BTBD8: variants seen among roughly 807,000 people sequenced by gnomAD.
The protein encoded by BTBD8 is BTB/POZ domain-containing protein 8.
In BTBD8, 110 loss-of-function variants were observed where a neutral mutation model predicts 162.9. The ratio of observed to expected loss-of-function variants is 0.68; its 90% CI spans 0.58 to 0.79. The LOEUF is 0.79. Ranked by LOEUF, BTBD8 falls within the 30% of genes least tolerant of loss-of-function variation. The pLI is 0.00. For synonymous variants in BTBD8, 667 were observed against 716.1 expected, an observed-to-expected ratio of 0.93 and a Z score of 1.10; for missense variants, 1,905 against 2,085.4, an observed-to-expected ratio of 0.91 and a Z score of 1.68.
intron 9 of BTBD8, chr1:92,150,497 T>C: frequency 6.6e-6 from 1 of 152,246 alleles, no homozygotes. Context: ...GTTTTTATAC[T>C]GCATCGCTTA....
chr1:92,166,817 A>G (rs982773905), intron 9 of BTBD8, 141 bp from the exon 10 acceptor site: 11 of 790,224 alleles, frequency 1.4e-5, no homozygotes, highest in Admixed American at 5.9e-5. Context: ...TATATGTAAA[A>G]CTAATAACAA....
At chr1:92,090,746 G>A (rs1259339884) in intron 2 of BTBD8, among the ~76,000 whole-genome samples, 3 of 152,088 alleles carry the variant, frequency 2.0e-5, no homozygotes, top group African/African-American at 4.8e-5. Flanking sequence ...CCTGGCCAAC[G>A]TGCTGCAACC....
At chr1:92,131,892 T>C (rs1429547392) in intron 5 of BTBD8, among the ~76,000 whole-genome samples, 2 of 152,184 alleles carry the variant, frequency 1.3e-5, no homozygotes, top group African/African-American at 2.4e-5. Context: ...TAATTTTTAG[T>C]AGAGGTGAGG....
intron 16 of BTBD8, among the ~76,000 whole-genome samples, chr1:92,179,903 G>A (rs1463699226): frequency 6.6e-6 from 1 of 151,808 alleles, no homozygotes; most frequent in Non-Finnish European, 1.5e-5. Flanking sequence ...AACTTCAAAG[G>A]GAAGACCTTT....
chr1:92,148,808 C>T (rs1649984347), intron 9 of BTBD8, among the ~76,000 whole-genome samples: 1 of 152,176 alleles, frequency 6.6e-6, no homozygotes, highest in Admixed American at 6.5e-5. Flanking sequence ...CTTCCTGTAG[C>T]CACTGTAAAC....
intron 4 of BTBD8, among the ~76,000 whole-genome samples, chr1:92,128,829 A>C (rs1014345337): frequency 1.3e-5 from 2 of 152,054 alleles, no homozygotes; most frequent in African/African-American, 4.8e-5. Context: ...GCATTTTTCC[A>C]TCTGCGTGCA....
At chr1:92,085,426 T>C (rs956342094) in intron 1 of BTBD8, among the ~76,000 whole-genome samples, 1 of 152,140 alleles carries the variant, frequency 6.6e-6, no homozygotes, top group Non-Finnish European at 1.5e-5. Context: ...ACCCCATCTC[T>C]ACTAAAAATA....
Position 92,167,921 on chromosome 1 carries a change from A to G in BTBD8, c.1379A>G (p.Glu460Gly), listed in dbSNP as rs1474779901. Reference protein sequence around the residue: ...LKAIEENITTENSCSLLMALD... With the variant: ...LKAIEENITTGNSCSLLMALD... The stretch of plus-strand genomic sequence containing the variant: ...GCAATTGAAGAAAATATCACCACTG[A>G]AAATAGCTGCTCTCTTCTTATGGCT... The change falls in exon 11 of 18, where the codon GAA becomes GGA. Residue 460 changes from glutamate to glycine, a missense_variant. Glu to Gly is a moderately conservative substitution (Grantham distance 98, BLOSUM62 -2). This residue lies in a region of BTBD8 where 1,374 missense variants were observed against 1,442.7 expected (regional missense o/e 0.95). Coordinates refer to ENST00000636805, the MANE Select transcript of BTBD8 (RefSeq NM_001376131.1). 1.9e-6 allele frequency: 3 copies of G among 1,550,904 alleles called. No individual in the cohort carries two copies. The highest frequency in any genetic ancestry group is 3.9e-5 in the Admixed American group (2 of 50,972).
chr1:92,097,194 T>G (rs1648475814), intron 2 of BTBD8, among the ~76,000 whole-genome samples: 1 of 152,070 alleles, frequency 6.6e-6, no homozygotes, highest in South Asian at 2.1e-4. Context: ...TTCTTCTGTC[T>G]TAGATCTCCT....
rs1306182158 is a variant in BTBD8 at position 92,178,414 on chromosome 1, G to T, written c.2544G>T (p.Arg848Ser). 6.4e-7 allele frequency: 1 copy of T among 1,551,318 alleles called. No individual in the cohort carries two copies. The highest frequency in any genetic ancestry group is 8.7e-7 in the Non-Finnish European group (1 of 1,146,802). The part of the protein sequence containing the change: ...TSNGCTAAQQ[R>S]TKSTPSNLTK... The stretch of plus-strand genomic sequence containing the variant: ...ATGGATGTACTGCAGCTCAGCAGAG[G>T]ACAAAGAGTACCCCATCTAATCTTA... The change falls in exon 16 of 18, where the codon AGG becomes AGT. Residue 848 changes from arginine (R) to serine (S), a missense_variant. This residue lies in a region of BTBD8 where 1,374 missense variants were observed against 1,442.7 expected (regional missense o/e 0.95). Transcript: ENST00000636805.
chr1:92,107,641 G>A (rs1648769049), intron 3 of BTBD8, among the ~76,000 whole-genome samples: 1 of 152,028 alleles, frequency 6.6e-6, no homozygotes, highest in Non-Finnish European at 1.5e-5. Context: ...TGTCATTAAG[G>A]GATGCATGAC....
intron 7 of BTBD8, among the ~76,000 whole-genome samples, chr1:92,144,686 C>G (rs1175667518): frequency 6.6e-6 from 1 of 151,588 alleles, no homozygotes; most frequent in African/African-American, 2.4e-5. Context: ...TGGGATGTGC[C>G]TGTGGTCCCA....
intron 9 of BTBD8, among the ~76,000 whole-genome samples, chr1:92,153,472 G>T (rs1381250532): frequency 6.6e-6 from 1 of 152,060 alleles, no homozygotes; most frequent in Non-Finnish European, 1.5e-5. Context: ...TTGAACAGCT[G>T]ATCTCTCATC....
intron 13 of BTBD8, among the ~76,000 whole-genome samples, chr1:92,176,226 T>C (rs1354529118): frequency 2.6e-5 from 4 of 152,206 alleles, no homozygotes; most frequent in Admixed American, 2.6e-4. Flanking sequence ...AGAATTTTTA[T>C]TGAAAATCTT....
chr1:92,100,703 G>A (rs569795796), intron 2 of BTBD8, among the ~76,000 whole-genome samples: 53 of 152,052 alleles, frequency 3.5e-4, no homozygotes, highest in African/African-American at 1.3e-3. Context: ...TCTGCCTCCT[G>A]GGTTCAAGCG....
intron 4 of BTBD8, among the ~76,000 whole-genome samples, chr1:92,114,011 CAAA>C (rs35277981): frequency 9.5e-5 from 9 of 94,946 alleles, no homozygotes; most frequent in African/African-American, 1.2e-4. Flanking sequence ...GACTCCGTCT[CAAA>C]AAAAAAAAAA....
intron 2 of BTBD8, among the ~76,000 whole-genome samples, chr1:92,090,606 G>GT (rs1261375356): frequency 1.3e-5 from 2 of 152,014 alleles, no homozygotes; most frequent in African/African-American, 4.8e-5. Flanking sequence ...TTTCACGATG[G>GT]TATCATTTAT....
rs1281979333 is a variant in BTBD8 at position 92,126,510 on chromosome 1, T to C, written c.663-3177T>C. ...CCTTTTCTCCTCTCCTCAATCCTCT[T>C]CACTCATGCAGACCGCTTTATTTTC... On this transcript the variant is annotated intron_variant, in intron 4 of 17. Coordinates refer to ENST00000636805, the MANE Select transcript of BTBD8 (RefSeq NM_001376131.1). 2.0e-4 allele frequency: 60 copies of C among 307,254 alleles called. 1 individual carries two copies. In the South Asian group the frequency reaches 2.3e-3, roughly 12 times the overall value. The allele number at this position is 307,254 out of a possible 1,614,324, so 19.0% of individuals were successfully genotyped here. A position where few individuals can be genotyped will look rare whatever the true frequency, so the allele number is the denominator to read the frequency against.
chr1:92,152,768 A>C (rs185948669), intron 9 of BTBD8, among the ~76,000 whole-genome samples: 2 of 152,114 alleles, frequency 1.3e-5, no homozygotes, highest in Non-Finnish European at 2.9e-5. Flanking sequence ...TTATAGCTGT[A>C]ATTAGGTCCT....
Sources: allele counts gnomAD v4.1 joint callset (sites outside exome capture counted in the v4.1 genomes callset), GRCh38; gene constraint gnomAD v4.1.1; regional missense constraint gnomAD v4.1.1; transcripts MANE v1.5; gene names NCBI Gene and HGNC (gene_info 2026-07-23, HGNC 2026-07-21).